TMTC3: variants seen among roughly 807,000 people sequenced by gnomAD.
TMTC3 encodes transmembrane O-mannosyltransferase targeting cadherins 3.
TMTC3 carries 52 observed loss-of-function variants against 92.2 expected under a neutral mutation model. The ratio of observed to expected loss-of-function variants is 0.56; its 90% CI spans 0.45 to 0.71. The LOEUF is 0.71. Among genes scored for constraint, TMTC3 ranks in the 30% least tolerant of loss-of-function variants. TMTC3 has a pLI of 0.00. For missense variants in TMTC3, 896 were observed against 1,057.1 expected, an observed-to-expected ratio of 0.85 and a Z score of 2.11; for synonymous variants, 339 against 363.3, an observed-to-expected ratio of 0.93 and a Z score of 0.76.
chr12:88,150,213 C>T (rs1011890405), intron 2 of TMTC3, among the ~76,000 whole-genome samples: 2 of 152,092 alleles, frequency 1.3e-5, no homozygotes, highest in African/African-American at 4.8e-5. Flanking sequence ...CAGGAGCAGG[C>T]ACTTCACATA....
At chr12:88,178,430 C>T (rs936227747) in intron 10 of TMTC3, among the ~76,000 whole-genome samples, 1 of 152,170 alleles carries the variant, frequency 6.6e-6, no homozygotes, top group Non-Finnish European at 1.5e-5. Flanking sequence ...CTTGTAAAAA[C>T]TCTTCCTATC....
chr12:88,176,840 G>A (rs1054967515), intron 10 of TMTC3, among the ~76,000 whole-genome samples: 1 of 152,030 alleles, frequency 6.6e-6, no homozygotes, highest in African/African-American at 2.4e-5. Flanking sequence ...TGTGTGGCAT[G>A]GATATGGATA....
intron 2 of TMTC3, among the ~76,000 whole-genome samples, chr12:88,151,463 TTG>T (rs2040942041): frequency 6.6e-6 from 1 of 152,200 alleles, no homozygotes; most frequent in African/African-American, 2.4e-5. Flanking sequence ...ATGATCTGAA[TTG>T]TTTTATTCAT....
chr12:88,163,541 C>T (rs1319870625), intron 6 of TMTC3, among the ~76,000 whole-genome samples: 1 of 152,128 alleles, frequency 6.6e-6, no homozygotes, highest in East Asian at 1.9e-4. Context: ...AGTATGTCAG[C>T]ACAATTGGTT....
chr12:88,180,587 A>G (rs531700491), intron 10 of TMTC3, among the ~76,000 whole-genome samples: 1 of 152,294 alleles, frequency 6.6e-6, no homozygotes, highest in Admixed American at 6.5e-5. Context: ...CTCCTGAGTT[A>G]TCTTCTTCAG....
At chr12:88,154,423 C>A (rs760096907) in intron 4 of TMTC3, 36 bp downstream of exon 4, 40 of 1,448,108 alleles carry the variant, frequency 2.8e-5, no homozygotes, top group South Asian at 5.2e-5. Context: ...TTTAATAGTG[C>A]TAAAACTTGA....
chr12:88,178,630 C>T (rs2041284647), intron 10 of TMTC3, among the ~76,000 whole-genome samples: 1 of 151,952 alleles, frequency 6.6e-6, no homozygotes, highest in African/African-American at 2.4e-5. Context: ...TTTTTGTACC[C>T]CTGCATCATC....
chr12:88,149,628 A>G (rs1032595481), intron 2 of TMTC3, among the ~76,000 whole-genome samples: 5 of 152,186 alleles, frequency 3.3e-5, no homozygotes, highest in South Asian at 2.1e-4. Context: ...GAAACATAAC[A>G]TGTAACTCTC....
chr12:88,180,539 G>A (rs1450238609), intron 10 of TMTC3, among the ~76,000 whole-genome samples: 2 of 152,232 alleles, frequency 1.3e-5, no homozygotes, highest in Admixed American at 6.5e-5. Flanking sequence ...ATTATCTGGA[G>A]TGAATGGTGT....
intron 7 of TMTC3, among the ~76,000 whole-genome samples, chr12:88,166,992 GTTT>G (rs36110529): frequency 2.1e-4 from 26 of 121,418 alleles, no homozygotes; most frequent in Admixed American, 3.3e-4. Flanking sequence ...TATTTGAACA[GTTT>G]TTTTTTTTTT....
chr12:88,154,120 T>C (rs1264173382), intron 3 of TMTC3, among the ~76,000 whole-genome samples, 168 bp from the exon 4 acceptor site: 1 of 152,098 alleles, frequency 6.6e-6, no homozygotes, highest in African/African-American at 2.4e-5. Flanking sequence ...AATAAATGTC[T>C]ATTTATGTAA....
intron 10 of TMTC3, among the ~76,000 whole-genome samples, chr12:88,177,372 C>T (rs2041271378): frequency 6.6e-6 from 1 of 151,696 alleles, no homozygotes; most frequent in Non-Finnish European, 1.5e-5. Flanking sequence ...AACTTTTTAG[C>T]TATAATAGTG....
rs1290021647 is a variant in TMTC3, at chr12:88,173,161, A to C, written c.1199+416A>C. 16 of 1,091,728 alleles carry C rather than the reference A, an allele frequency of 1.5e-5. No homozygotes were observed. The South Asian group carries it at 2.6e-4, about 18-fold the overall frequency. The allele number at this position is 1,091,728 out of a possible 1,614,324, so 67.6% of individuals were successfully genotyped here. A position where few individuals can be genotyped will look rare whatever the true frequency, so the allele number is the denominator to read the frequency against. The stretch of plus-strand genomic sequence containing the variant: ...TCTGTAATTTCTTGCTATCATCACT[A>C]TCTTCATTATAATCTTTGTATCCTA... On this transcript the variant is annotated intron_variant, in intron 8 of 13. Coordinates refer to ENST00000266712, the MANE Select transcript of TMTC3 (RefSeq NM_181783.4).
chr12:88,166,692 C>G, intron 7 of TMTC3, 110 bp downstream of exon 7: 1 of 1,183,464 alleles, frequency 8.4e-7, no homozygotes, highest in South Asian at 1.7e-5. Context: ...TTTCTTTGTT[C>G]AACGGCATCC....
intron 10 of TMTC3, among the ~76,000 whole-genome samples, chr12:88,181,243 G>T (rs976350035): frequency 1.3e-5 from 2 of 152,064 alleles, no homozygotes; most frequent in Non-Finnish European, 1.5e-5. Flanking sequence ...TGCTAATTAG[G>T]TGAGAATTGG....
intron 2 of TMTC3, among the ~76,000 whole-genome samples, chr12:88,149,943 C>T (rs970904629): frequency 6.6e-6 from 1 of 152,126 alleles, no homozygotes; most frequent in African/African-American, 2.4e-5. Flanking sequence ...TGTGTCCATT[C>T]CCTCAATTTA....
rs1419461908 is a variant in TMTC3 at position 88,194,265 on chromosome 12, C to T, written c.1934-573C>T. Among the ~76,000 whole-genome samples, 3 of 151,978 alleles carry T rather than the reference C, an allele frequency of 2.0e-5. No individual in the cohort carries two copies. The East Asian group carries it at 5.8e-4, about 29-fold the overall frequency. ...GTTTCCTAAATCCTAATTTTATAGC[C>T]CTATATTTAATGGTATGTTTTTGTC... On this transcript the variant is annotated intron_variant, in intron 13 of 13. Coordinates refer to ENST00000266712, the MANE Select transcript of TMTC3 (RefSeq NM_181783.4).
Position 88,195,437 on chromosome 12 carries a change from A to G in TMTC3, c.2533A>G (p.Ser845Gly), listed in dbSNP as rs1482029355. 1 of 1,613,318 alleles carries G rather than the reference A, an allele frequency of 6.2e-7. No homozygotes were observed. Among genetic ancestry groups the G allele is most frequent in the Non-Finnish European group, 8.5e-7 (1 of 1,179,754 alleles). Residue 845 changes from serine (S) to glycine (G), a missense_variant, in exon 14 of 14, where the codon AGT (serine) becomes GGT (glycine). Transcript: ENST00000266712. ...SVEGKKIPTE[S>G]VKEIRGESRQ... is the part of the protein sequence containing the mutation. ...GGAAGGAAAGAAAATTCCAACTGAA[A>G]GTGTAAAAGAAATTAGAGGTGAATC...
chr12:88,163,362 A>C (rs942275073), intron 6 of TMTC3, among the ~76,000 whole-genome samples: 6 of 152,238 alleles, frequency 3.9e-5, no homozygotes, highest in Admixed American at 2.6e-4. Context: ...CCGAGGAACT[A>C]TTCCTGGCTC....
Sources: gnomAD v4.1 joint callset for allele counts (sites outside exome capture counted in the v4.1 genomes callset) on GRCh38, gnomAD v4.1.1 for gene constraint, MANE v1.5 for transcripts, NCBI Gene and HGNC (gene_info 2026-07-23, HGNC 2026-07-21) for gene names.